TENM3: variants seen among roughly 807,000 people sequenced by gnomAD.
TENM3 encodes the protein teneurin-3.
TENM3 carries 63 observed loss-of-function variants against 255.1 expected under a neutral mutation model. That is an observed-to-expected ratio of 0.25 (90% confidence interval 0.20 to 0.30). The LOEUF (loss-of-function observed/expected upper bound fraction) is 0.30, where lower values mean the gene tolerates loss of function less well. Among genes scored for constraint, TENM3 ranks in the 10% least tolerant of loss-of-function variants. The pLI is 1.00. For synonymous variants in TENM3, 1,306 were observed against 1,322.3 expected (o/e 0.99, Z 0.27); for missense variants, 2,929 against 3,461.1 (o/e 0.85, Z 3.86).
intron 1 of TENM3, among the ~76,000 whole-genome samples, chr4:182,301,013 C>T (rs1197403462): frequency 6.6e-6 from 1 of 152,142 alleles, no homozygotes; most frequent in Non-Finnish European, 1.5e-5. Flanking sequence ...TTTTAAAGCT[C>T]TCCTTTAAAA....
At chr4:181,881,496 TAGAA>T in the TENM3 span, among the ~76,000 whole-genome samples, 2 of 152,092 alleles carry the variant, frequency 1.3e-5, no homozygotes, top group East Asian at 1.9e-4. Flanking sequence ...TATTTGAAGT[TAGAA>T]AGAAAGGATT....
chr4:181,945,475 A>C, the TENM3 span, among the ~76,000 whole-genome samples: 1 of 152,056 alleles, frequency 6.6e-6, no homozygotes, highest in Non-Finnish European at 1.5e-5. Flanking sequence ...AATTGGCCTA[A>C]GGCTATTTAA....
intron 1 of TENM3, among the ~76,000 whole-genome samples, chr4:182,229,488 G>A (rs924790932): frequency 6.6e-6 from 1 of 152,034 alleles, no homozygotes; most frequent in Non-Finnish European, 1.5e-5. Context: ...CTTTGTATTT[G>A]TAAAAATGCA....
chr4:182,343,948 C>T (rs956802720), intron 2 of TENM3, among the ~76,000 whole-genome samples: 27 of 152,046 alleles, frequency 1.8e-4, no homozygotes, highest in Non-Finnish European at 1.5e-5. Context: ...TGAATAAAGG[C>T]AATTACTTAA....
chr4:181,489,589 A>G, the TENM3 span, among the ~76,000 whole-genome samples: 1 of 152,220 alleles, frequency 6.6e-6, no homozygotes, highest in African/African-American at 2.4e-5. Flanking sequence ...TGTACAAAAT[A>G]TTTGACTACA....
At chr4:181,793,272 T>C in the TENM3 span, among the ~76,000 whole-genome samples, 1 of 152,304 alleles carries the variant, frequency 6.6e-6, no homozygotes, top group South Asian at 2.1e-4. Flanking sequence ...TTCTTTCTTC[T>C]AAGGCAAAAT....
chr4:182,668,164 T>C (rs1754881096), intron 6 of TENM3, among the ~76,000 whole-genome samples: 1 of 152,138 alleles, frequency 6.6e-6, no homozygotes, highest in Non-Finnish European at 1.5e-5. Flanking sequence ...GCTGAAGCCC[T>C]ACCTTGGGTT....
intron 3 of TENM3, among the ~76,000 whole-genome samples, chr4:182,400,570 CTT>C (rs1407505517): frequency 1.3e-5 from 2 of 152,088 alleles, no homozygotes; most frequent in Non-Finnish European, 2.9e-5. Flanking sequence ...GATATAACAT[CTT>C]TGTGGATGAG....
At chr4:182,777,954 A>C (rs1412184735) in intron 24 of TENM3, among the ~76,000 whole-genome samples, 1 of 152,000 alleles carries the variant, frequency 6.6e-6, no homozygotes, top group Non-Finnish European at 1.5e-5. Context: ...ATTTCTGTGA[A>C]ACAGTACATT....
At chr4:182,605,065 A>G (rs748536012) in intron 4 of TENM3, among the ~76,000 whole-genome samples, 10 of 152,188 alleles carry the variant, frequency 6.6e-5, no homozygotes, top group Non-Finnish European at 1.3e-4. Context: ...AGTCATACAC[A>G]CACCGGGTCT....
At chr4:181,880,083 A>C in the TENM3 span, among the ~76,000 whole-genome samples, 1 of 152,128 alleles carries the variant, frequency 6.6e-6, no homozygotes, top group Admixed American at 6.6e-5. Flanking sequence ...AGACTTCATA[A>C]TATTATTCAT....
At chr4:182,323,084 T>C (rs1017892700) in intron 1 of TENM3, among the ~76,000 whole-genome samples, 28 of 152,158 alleles carry the variant, frequency 1.8e-4, no homozygotes, top group African/African-American at 6.5e-4. Context: ...CCACTCTCCC[T>C]CTTGAAGGCC....
At chr4:182,598,071 C>T (rs1747446103) in intron 3 of TENM3, among the ~76,000 whole-genome samples, 2 of 152,278 alleles carry the variant, frequency 1.3e-5, no homozygotes, top group African/African-American at 4.8e-5. Context: ...CCCAGCTACT[C>T]AGGAGGCTGA....
intron 6 of TENM3, among the ~76,000 whole-genome samples, chr4:182,665,405 A>G (rs1310918235): frequency 6.6e-6 from 1 of 152,182 alleles, no homozygotes; most frequent in Admixed American, 6.5e-5. Flanking sequence ...AAGAGCTCTG[A>G]TGGAGATGTG....
At chr4:182,157,528 T>A (rs12646973) in intron 1 of TENM3, among the ~76,000 whole-genome samples, 10,487 of 152,246 alleles carry the variant, frequency 0.069, 577 homozygotes, top group East Asian at 0.22. Context: ...TCTACATCAA[T>A]GTCAAGTGTC....
At chr4:181,791,491 A>T in the TENM3 span, among the ~76,000 whole-genome samples, 1 of 152,220 alleles carries the variant, frequency 6.6e-6, no homozygotes, top group Admixed American at 6.5e-5. Context: ...GAAGAATTTT[A>T]TTTATTGTGC....
intron 3 of TENM3, among the ~76,000 whole-genome samples, chr4:182,347,383 G>C (rs991324221): frequency 1.7e-4 from 26 of 152,182 alleles, no homozygotes; most frequent in African/African-American, 6.3e-4. Flanking sequence ...TCTTAGAATG[G>C]ATGAGTGAGC....
chr4:182,308,906 T>C (rs575581543), intron 1 of TENM3, among the ~76,000 whole-genome samples: 82 of 151,370 alleles, frequency 5.4e-4, no homozygotes, highest in African/African-American at 1.9e-3. Flanking sequence ...AAACAAACAA[T>C]AAACACCCAC....
the TENM3 span, among the ~76,000 whole-genome samples, chr4:181,939,483 G>A: frequency 0.034 from 5,250 of 152,316 alleles, 237 homozygotes; most frequent in African/African-American, 0.11. Flanking sequence ...TCAGCCTGTC[G>A]GTGTTTCAGT....
Sources: gnomAD v4.1 joint callset for allele counts (sites outside exome capture counted in the v4.1 genomes callset) on GRCh38, gnomAD v4.1.1 for gene constraint, MANE v1.5 for transcripts, NCBI Gene and HGNC (gene_info 2026-07-23, HGNC 2026-07-21) for gene names.